SLC24A3: variants seen among roughly 807,000 people sequenced by gnomAD.
The protein encoded by SLC24A3 is solute carrier family 24 member 3, also known as sodium/potassium/calcium exchanger 3.
A neutral mutation model predicts 75.8 loss-of-function variants in SLC24A3; 28 were observed. That is an observed-to-expected ratio of 0.37 (90% confidence interval 0.27 to 0.51). The LOEUF (loss-of-function observed/expected upper bound fraction) is 0.51, where lower values mean the gene tolerates loss of function less well. Ranked by LOEUF, SLC24A3 falls within the 20% of genes least tolerant of loss-of-function variation. SLC24A3 has a pLI of 0.94. For missense variants in SLC24A3, 663 were observed against 847.8 expected, an observed-to-expected ratio of 0.78 and a Z score of 2.71; for synonymous variants, 372 against 334.1, an observed-to-expected ratio of 1.11 and a Z score of -1.24.
chr20:19,661,289 C>G (rs1462780984), intron 7 of SLC24A3, among the ~76,000 whole-genome samples: 1 of 152,126 alleles, frequency 6.6e-6, no homozygotes, highest in Non-Finnish European at 1.5e-5. Context: ...CCTTCTGCAA[C>G]CACAACCTTC....
intron 3 of SLC24A3, among the ~76,000 whole-genome samples, chr20:19,562,664 G>A (rs970707462): frequency 1.5e-4 from 23 of 152,190 alleles, no homozygotes; most frequent in African/African-American, 3.6e-4. Flanking sequence ...CAATAAAACC[G>A]AAGGTCAGAG....
At chr20:19,220,422 A>G (rs1981673085) in intron 1 of SLC24A3, among the ~76,000 whole-genome samples, 1 of 152,200 alleles carries the variant, frequency 6.6e-6, no homozygotes, top group South Asian at 2.1e-4. Flanking sequence ...TCTGCCATGG[A>G]ATTGAACCCA....
chr20:19,520,853 A>T (rs149098577), intron 3 of SLC24A3, among the ~76,000 whole-genome samples: 8 of 152,324 alleles, frequency 5.3e-5, no homozygotes, highest in Non-Finnish European at 8.8e-5. Context: ...TTCCTAGATC[A>T]GCTTTTAAAC....
chr20:19,696,826 T>A lies in SLC24A3; in HGVS notation c.1521T>A (p.Ile507=), dbSNP rs2032811874. 1 of 1,613,924 alleles carries A rather than the reference T, an allele frequency of 6.2e-7. No individual in the cohort carries two copies. Among genetic ancestry groups the A allele is most frequent in the Admixed American group, 1.7e-5 (1 of 60,002 alleles). ...MVTIIGYTLG[I]PDVIMGITFL... The stretch of plus-strand genomic sequence containing the variant: ...CAATCATTGGTTACACCCTGGGGAT[T>A]CCTGACGTCATCATGGGGATCACCT... The change falls in exon 14 of 17, where the codon ATT becomes ATA. Residue 507 remains isoleucine, a synonymous_variant. Transcript: ENST00000328041.
chr20:19,386,215 A>T (rs1986269838), intron 2 of SLC24A3, among the ~76,000 whole-genome samples: 1 of 152,108 alleles, frequency 6.6e-6, no homozygotes, highest in South Asian at 2.1e-4. Flanking sequence ...TTTCTTTCTC[A>T]GATAGTTTGT....
intron 3 of SLC24A3, among the ~76,000 whole-genome samples, chr20:19,541,542 C>T (rs2030497557): frequency 6.6e-6 from 1 of 152,178 alleles, no homozygotes; most frequent in Non-Finnish European, 1.5e-5. Context: ...GGATGTGGGG[C>T]ACCCCCGCGC....
intron 2 of SLC24A3, among the ~76,000 whole-genome samples, chr20:19,358,733 A>C (rs940119874): frequency 3.0e-4 from 45 of 152,152 alleles, no homozygotes; most frequent in African/African-American, 1.1e-3. Flanking sequence ...AACTTTTACC[A>C]CCCCAAGGGA....
At chr20:19,307,602 G>C (rs796166208) in intron 2 of SLC24A3, among the ~76,000 whole-genome samples, 33 of 152,186 alleles carry the variant, frequency 2.2e-4, no homozygotes, top group African/African-American at 7.5e-4. Flanking sequence ...GGGCCTGTTG[G>C]GGGGTGGGTG....
At chr20:19,431,529 AG>A (rs1251091392) in intron 2 of SLC24A3, among the ~76,000 whole-genome samples, 1 of 152,004 alleles carries the variant, frequency 6.6e-6, no homozygotes. Context: ...CCCTTTGGTC[AG>A]TGGTGAGGTG....
chr20:19,293,937 A>G (rs932173720), intron 2 of SLC24A3, among the ~76,000 whole-genome samples: 2 of 152,110 alleles, frequency 1.3e-5, no homozygotes, highest in African/African-American at 2.4e-5. Context: ...CCACCTCAGA[A>G]TATCAGAATG....
At chr20:19,539,527 A>T (rs191929951) in intron 3 of SLC24A3, among the ~76,000 whole-genome samples, 1 of 152,236 alleles carries the variant, frequency 6.6e-6, no homozygotes, top group East Asian at 1.9e-4. Context: ...TAAGCACTAT[A>T]TTTATTTTTG....
intron 2 of SLC24A3, among the ~76,000 whole-genome samples, chr20:19,462,713 C>T (rs542285504): frequency 5.3e-4 from 81 of 152,196 alleles, no homozygotes; most frequent in South Asian, 1.5e-3. Context: ...AGGACACAGC[C>T]GAGGCTTCTC....
At chr20:19,360,940 C>A (rs1307205414) in intron 2 of SLC24A3, among the ~76,000 whole-genome samples, 1 of 152,128 alleles carries the variant, frequency 6.6e-6, no homozygotes, top group Non-Finnish European at 1.5e-5. Context: ...CGTTCTCCTG[C>A]CTCAGCCTCC....
chr20:19,419,648 G>T (rs1216762823), intron 2 of SLC24A3, among the ~76,000 whole-genome samples: 1 of 152,152 alleles, frequency 6.6e-6, no homozygotes. Context: ...TGGGAAAAGG[G>T]TGTGCAGCCT....
chr20:19,644,415 A>T (rs2122700958), intron 6 of SLC24A3, among the ~76,000 whole-genome samples: 1 of 152,152 alleles, frequency 6.6e-6, no homozygotes, highest in South Asian at 2.1e-4. Flanking sequence ...GAGGTCTGAG[A>T]GTTGCTTTTC....
chr20:19,470,504 G>C (rs148383515), intron 2 of SLC24A3, among the ~76,000 whole-genome samples: 1 of 152,094 alleles, frequency 6.6e-6, no homozygotes. Flanking sequence ...TCAGAGTCTG[G>C]GGAATGGTCA....
intron 1 of SLC24A3, among the ~76,000 whole-genome samples, chr20:19,248,765 T>C (rs535792270): frequency 1.1e-4 from 17 of 152,110 alleles, no homozygotes; most frequent in South Asian, 6.2e-4. Flanking sequence ...CATCGACAGA[T>C]GAATGGCTAA....
intron 2 of SLC24A3, among the ~76,000 whole-genome samples, chr20:19,365,439 T>C (rs1985870865): frequency 6.6e-6 from 1 of 152,144 alleles, no homozygotes; most frequent in Non-Finnish European, 1.5e-5. Context: ...TGGGTGGGGA[T>C]TCCACTGTGG....
chr20:19,649,758 G>A (rs948647894), intron 6 of SLC24A3, among the ~76,000 whole-genome samples: 1 of 152,184 alleles, frequency 6.6e-6, no homozygotes, highest in African/African-American at 2.4e-5. Flanking sequence ...CTGTAGTGAA[G>A]CATTGTAGTA....
Sources: gnomAD v4.1 joint callset for allele counts (sites outside exome capture counted in the v4.1 genomes callset) on GRCh38, gnomAD v4.1.1 for gene constraint, MANE v1.5 for transcripts, NCBI Gene and HGNC (gene_info 2026-07-23, HGNC 2026-07-21) for gene names.